Variants in EPB41 observed in about 807,000 individuals in gnomAD.
EPB41 encodes erythrocyte membrane protein band 4.1.
Under a neutral mutation model 108.0 loss-of-function variants are expected in EPB41, and 65 were observed. The ratio of observed to expected loss-of-function variants is 0.60; its 90% CI spans 0.49 to 0.74. The LOEUF (loss-of-function observed/expected upper bound fraction) is 0.74, where lower values mean the gene tolerates loss of function less well. Ranked by LOEUF, EPB41 falls within the 30% of genes least tolerant of loss-of-function variation. EPB41 has a pLI of 0.00. For synonymous variants in EPB41, 336 were observed against 358.9 expected, an observed-to-expected ratio of 0.94 and a Z score of 0.72; for missense variants, 875 against 1,037.0, an observed-to-expected ratio of 0.84 and a Z score of 2.15.
Position 29,018,413 on chromosome 1 carries a change from G to C in EPB41, c.1095G>C (p.Glu365Asp), listed in dbSNP as rs143958458. The change falls in exon 7 of 21, where the codon GAG becomes GAC. Residue 365 changes from glutamate to aspartate, a missense_variant. Around this residue, in one of 3 missense-constraint regions of EPB41, gnomAD observed 519 missense variants for 627.3 expected, o/e 0.83. Coordinates refer to ENST00000343067, the MANE Select transcript of EPB41 (RefSeq NM_001376013.1). This position sits in a 1 kb window ranked among gnomAD's most constrained non-coding sequence, Gnocchi z 4.4. Reference protein sequence around the residue: ...LAPNQTKELEEKVMELHKSYR... With the variant: ...LAPNQTKELEDKVMELHKSYR... ...CGAATCAGACCAAGGAACTTGAAGA[G>C]AAGGTCATGGAACTGCATAAGTCAT... 1.2e-6 allele frequency: 2 copies of C among 1,614,034 alleles called. No homozygotes were observed. Among genetic ancestry groups the C allele is most frequent in the Non-Finnish European group, 1.7e-6 (2 of 1,180,036 alleles).
At chr1:28,889,793 C>T in intron 1 of EPB41, 1 of 985,236 alleles carries the variant, frequency 1.0e-6, no homozygotes, top group Non-Finnish European at 1.2e-6. Flanking sequence ...AACCGAGCTT[C>T]ATTCGGTTAT....
Position 28,951,095 on chromosome 1 carries a change from A to G in EPB41, c.-8+36327A>G, listed in dbSNP as rs533108707. ...GGTGATCCGCCTGCCTCAGCCTCCCAAAGTGCTGGGATTACAGGCATGAGC... is the reference window on the plus strand; with the variant it reads ...GGTGATCCGCCTGCCTCAGCCTCCCGAAGTGCTGGGATTACAGGCATGAGC... On this transcript the variant is annotated intron_variant, in intron 1 of 20. Transcript: ENST00000343067. Among the ~76,000 whole-genome samples the G allele has an allele frequency of 1.1e-4, 16 of 152,292 alleles. No individual in the cohort carries two copies. In the East Asian group the frequency reaches 1.9e-3, roughly 18 times the overall value.
At chr1:29,080,495 A>C (rs974939718) in intron 16 of EPB41, among the ~76,000 whole-genome samples, 3 of 149,210 alleles carry the variant, frequency 2.0e-5, no homozygotes, top group African/African-American at 5.0e-5. Flanking sequence ...TGAAGTCTCG[A>C]CCTTCTGGCC....
chr1:29,048,185 T>C (rs1643864314), intron 11 of EPB41, among the ~76,000 whole-genome samples: 2 of 152,112 alleles, frequency 1.3e-5, no homozygotes, highest in Non-Finnish European at 1.5e-5. Flanking sequence ...TCCTATTATA[T>C]ATAGTTTAAC....
intron 4 of EPB41, among the ~76,000 whole-genome samples, chr1:28,998,727 T>C (rs774708144): frequency 3.9e-5 from 6 of 152,202 alleles, no homozygotes; most frequent in Admixed American, 1.3e-4. Flanking sequence ...CCCTTAGGGC[T>C]CAAACTAGCT....
intron 1 of EPB41, chr1:28,889,958 G>A (rs2089929901): frequency 3.7e-6 from 1 of 267,476 alleles, no homozygotes; most frequent in Admixed American, 6.5e-5. Flanking sequence ...AGTTCCTGGG[G>A]ATAGGGGAGT....
At position 28,887,184 on chromosome 1, in the gene EPB41, G is replaced by A; in HGVS notation, c.-34G>A. The A allele has an allele frequency of 4.0e-6, 5 of 1,244,188 alleles. No homozygotes were observed. Among genetic ancestry groups the A allele is most frequent in the Non-Finnish European group, 5.3e-6 (5 of 949,178 alleles). The allele number at this position is 1,244,188 out of a possible 1,614,324, so 77.1% of individuals were successfully genotyped here. The stretch of plus-strand genomic sequence containing the variant: ...GCGGCGCGGAGCCAGAACGCGGTCG[G>A]CCCGGTCCCCGCCGCACCCAGCCCA... On this transcript the variant is annotated 5_prime_UTR_variant, in exon 1 of 17. Coordinates refer to the EPB41 transcript ENST00000347529. This position sits in a 1 kb window ranked among gnomAD's most constrained non-coding sequence, Gnocchi z 4.9.
chr1:29,115,549 G>A lies in EPB41; in HGVS notation c.2497-150G>A. 2.9e-6 allele frequency: 2 copies of A among 692,476 alleles called. No individual in the cohort carries two copies. Among genetic ancestry groups the A allele is most frequent in the East Asian group, 2.8e-5 (1 of 36,238 alleles). The allele number at this position is 692,476 out of a possible 1,614,324, so 42.9% of individuals were successfully genotyped here. A position where few individuals can be genotyped will look rare whatever the true frequency, so the allele number is the denominator to read the frequency against. On this transcript the variant is annotated intron_variant, in intron 19 of 20. Transcript: ENST00000343067. The surrounding 1 kb of genome is among the most constrained non-coding windows in gnomAD (Gnocchi z 4.4). ...CCCTATGCAGGATAGGGTGGGTAAG[G>A]TAATTATCAGCTTGGCTTAGCCTAA...
At chr1:28,906,223 G>A (rs948005717) in intron 1 of EPB41, among the ~76,000 whole-genome samples, 2 of 152,178 alleles carry the variant, frequency 1.3e-5, no homozygotes, top group African/African-American at 4.8e-5. Context: ...CTGTCCTATA[G>A]TAGCAGCTTT....
rs1052831339 is a variant in EPB41 at position 29,000,320 on chromosome 1, G to A, written c.786+3001G>A. ...TCACCATATTGGCCAGGCTGGTCTC[G>A]AACTCCTGACCTCAGGCGATTCACC... is the stretch of plus-strand genomic sequence containing the variant. On this transcript the variant is annotated intron_variant, in intron 4 of 20. Transcript: ENST00000343067. Among the ~76,000 whole-genome samples the A allele has an allele frequency of 3.9e-5, 6 of 152,188 alleles. No individual in the cohort carries two copies. In the South Asian group the frequency reaches 8.3e-4, roughly 21 times the overall value.
intron 4 of EPB41, 39 bp downstream of exon 4, chr1:28,997,358 ATTTAT>A (rs939263965): frequency 1.7e-6 from 2 of 1,203,846 alleles, no homozygotes; most frequent in Non-Finnish European, 2.5e-6. Context: ...CTGACAAAAA[ATTTAT>A]TTTAATTCTT....
chr1:28,919,089 A>G (rs1274408917), intron 1 of EPB41, among the ~76,000 whole-genome samples: 3 of 152,226 alleles, frequency 2.0e-5, no homozygotes, highest in African/African-American at 4.8e-5. Context: ...GAGAACTTTG[A>G]TATTTTATAT....
intron 1 of EPB41, among the ~76,000 whole-genome samples, chr1:28,919,018 G>A (rs781247757): frequency 4.0e-5 from 6 of 151,868 alleles, no homozygotes; most frequent in Non-Finnish European, 8.8e-5. Context: ...TGAATACATA[G>A]AAAGATAAAG....
intron 4 of EPB41, among the ~76,000 whole-genome samples, chr1:29,007,963 C>T (rs1253126270): frequency 1.3e-5 from 2 of 152,222 alleles, no homozygotes; most frequent in Non-Finnish European, 2.9e-5. Flanking sequence ...CCTGCTTATA[C>T]AGCTTTCTAT....
At chr1:29,112,713 G>C (rs1175549054) in intron 19 of EPB41, among the ~76,000 whole-genome samples, 1 of 152,148 alleles carries the variant, frequency 6.6e-6, no homozygotes, top group Non-Finnish European at 1.5e-5. Context: ...TATTCTAGCT[G>C]TTAACTCTCT....
chr1:28,894,234 C>T (rs1366115196), intron 1 of EPB41, among the ~76,000 whole-genome samples: 2 of 152,158 alleles, frequency 1.3e-5, no homozygotes, highest in East Asian at 3.8e-4. Context: ...ATCTGTTCAC[C>T]AGGTGCTGTA....
intron 2 of EPB41, among the ~76,000 whole-genome samples, chr1:28,990,084 G>A (rs1336208388): frequency 6.6e-6 from 1 of 151,786 alleles, no homozygotes; most frequent in East Asian, 1.9e-4. Flanking sequence ...GTGAAACCCT[G>A]TCTCTACAAA....
At chr1:29,000,252 C>T (rs1484253583) in intron 4 of EPB41, among the ~76,000 whole-genome samples, 1 of 152,172 alleles carries the variant, frequency 6.6e-6, no homozygotes, top group Non-Finnish European at 1.5e-5. Context: ...GCATGCATCA[C>T]CATGCCTGTC....
At chr1:28,992,406 C>T (rs565568163) in intron 2 of EPB41, among the ~76,000 whole-genome samples, 176 of 151,736 alleles carry the variant, frequency 1.2e-3, no homozygotes, top group South Asian at 2.9e-3. Flanking sequence ...AAATGTATGC[C>T]GGCCAGGCAC....
Sources: gnomAD v4.1 joint callset for allele counts (sites outside exome capture counted in the v4.1 genomes callset) on GRCh38, gnomAD v4.1.1 for gene constraint, gnomAD v4.1.1 regional missense constraint, Gnocchi (gnomAD v3.1) non-coding constraint, MANE v1.5 for transcripts, NCBI Gene and HGNC (gene_info 2026-07-23, HGNC 2026-07-21) for gene names.